The following RASSF2 variants were observed in gnomAD, a reference collection of about 807,000 sequenced individuals.
RASSF2 encodes ras association domain-containing protein 2.
A neutral mutation model predicts 46.3 loss-of-function variants in RASSF2; 34 were observed. The observed-to-expected ratio is 0.73, with a 90% confidence interval of 0.56 to 0.98. The LOEUF (loss-of-function observed/expected upper bound fraction) is 0.98, where lower values mean the gene tolerates loss of function less well. Among genes scored for constraint, RASSF2 ranks in the 50% least tolerant of loss-of-function variants. The pLI is 0.00. For synonymous variants in RASSF2, 158 were observed against 162.5 expected, an observed-to-expected ratio of 0.97 and a Z score of 0.21; for missense variants, 364 against 431.2, an observed-to-expected ratio of 0.84 and a Z score of 1.38.
chr20:4,809,935 G>A (rs975160355), intron 2 of RASSF2, among the ~76,000 whole-genome samples: 1 of 152,198 alleles, frequency 6.6e-6, no homozygotes, highest in Non-Finnish European at 1.5e-5. Flanking sequence ...GGGACAGCCC[G>A]TAGGCATTTC....
chr20:4,805,602 C>T (rs141751891), intron 2 of RASSF2, among the ~76,000 whole-genome samples: 63 of 152,070 alleles, frequency 4.1e-4, no homozygotes, highest in African/African-American at 1.4e-3. Flanking sequence ...AGGGGAATTC[C>T]GAGGGCAGGG....
intron 4 of RASSF2, among the ~76,000 whole-genome samples, chr20:4,796,335 C>T (rs1201570859): frequency 3.3e-5 from 5 of 152,262 alleles, no homozygotes; most frequent in South Asian, 2.1e-4. Context: ...GAGTTAGCTA[C>T]GTCCCATCCC....
Position 4,788,067 on chromosome 20 carries a change from T to C in RASSF2, c.691+150A>G. ...CCATATAAGGCAATCCCTAGTAGACTCATACAGCAAGCCCATCAGCCTTGA... is the reference window on the plus strand; with the variant it reads ...CCATATAAGGCAATCCCTAGTAGACCCATACAGCAAGCCCATCAGCCTTGA... On this transcript the variant is annotated intron_variant, in intron 9 of 11. Transcript: ENST00000379400. 5 of 765,998 alleles carry C rather than the reference T, an allele frequency of 6.5e-6. No homozygotes were observed. The South Asian group carries it at 8.5e-5, about 13-fold the overall frequency. The allele number at this position is 765,998 out of a possible 1,614,324, so 47.5% of individuals were successfully genotyped here.
chr20:4,820,194 C>T (rs1442331245), intron 2 of RASSF2, among the ~76,000 whole-genome samples: 2 of 152,196 alleles, frequency 1.3e-5, no homozygotes, highest in Non-Finnish European at 2.9e-5. Flanking sequence ...GAGCTCACTC[C>T]ACCTTGAGGA....
At chr20:4,792,515 GAA>G in intron 6 of RASSF2, 22 bp downstream of exon 6, 1 of 1,613,898 alleles carries the variant, frequency 6.2e-7, no homozygotes, top group Non-Finnish European at 8.5e-7. Flanking sequence ...TCCCTAGCTG[GAA>G]GTACCTTCCA....
rs149123494 is a variant in RASSF2, at chr20:4,790,689, C to G, written c.377-78G>C. On this transcript the variant is annotated intron_variant, in intron 6 of 11. Transcript: ENST00000379400. The surrounding 1 kb of genome is among the most constrained non-coding windows in gnomAD (Gnocchi z 4.3). ...CATGGTCCCCAATTTGTGGCCAGTGCGACAGCACCCACTGTCTCCACAAAT... is the reference window on the plus strand; with the variant it reads ...CATGGTCCCCAATTTGTGGCCAGTGGGACAGCACCCACTGTCTCCACAAAT... 2 of 1,159,144 alleles carry G rather than the reference C, an allele frequency of 1.7e-6. No homozygotes were observed. Among genetic ancestry groups the G allele is most frequent in the Non-Finnish European group, 2.4e-6 (2 of 842,558 alleles). 71.8% of individuals were successfully genotyped at this position (1,159,144 alleles called of 1,614,324 possible).
intron 2 of RASSF2, among the ~76,000 whole-genome samples, chr20:4,807,177 T>C (rs1317603098): frequency 6.6e-6 from 1 of 152,150 alleles, no homozygotes; most frequent in African/African-American, 2.4e-5. Flanking sequence ...CACTAGAGAA[T>C]TCGCTGGCGT....
intron 2 of RASSF2, among the ~76,000 whole-genome samples, chr20:4,820,117 A>C (rs1376212781): frequency 6.6e-6 from 1 of 152,108 alleles, no homozygotes; most frequent in Non-Finnish European, 1.5e-5. Context: ...CCCGCCTCAC[A>C]CGGCCATGTG....
chr20:4,819,980 A>G (rs1928585871), intron 2 of RASSF2, among the ~76,000 whole-genome samples: 1 of 152,176 alleles, frequency 6.6e-6, no homozygotes, highest in African/African-American at 2.4e-5. Flanking sequence ...AGCAGCATCA[A>G]CCTGTGATGA....
rs1207539533 is a variant in RASSF2, at chr20:4,781,021, C to A, written c.*3252G>T. 2 of 151,642 alleles carry A rather than the reference C, an allele frequency of 1.3e-5. No homozygotes were observed. The highest frequency in any genetic ancestry group is 4.8e-5 in the African/African-American group (2 of 41,280). The allele number at this position is 151,642 out of a possible 1,614,324, so 9.4% of individuals were successfully genotyped here. A position where few individuals can be genotyped will look rare whatever the true frequency, so the allele number is the denominator to read the frequency against. On this transcript the variant is annotated 3_prime_UTR_variant, in exon 12 of 12. Coordinates refer to ENST00000379400, the MANE Select transcript of RASSF2 (RefSeq NM_014737.3). Reference sequence around the variant, plus strand: ...CTCTCTCGGCGATGTATCTGTGACACCACATTCTCTGTGCTACAGAGCTTT... The same window carrying A: ...CTCTCTCGGCGATGTATCTGTGACAACACATTCTCTGTGCTACAGAGCTTT...
chr20:4,790,962 A>G lies in RASSF2; in HGVS notation c.377-351T>C, dbSNP rs1018423353. ...GGGTTTAAATGAGTTAGTATACATA[A>G]AGCACTTAGAATAGTGCCTGGCACA... is the stretch of plus-strand genomic sequence containing the variant. On this transcript the variant is annotated intron_variant, in intron 6 of 11. Coordinates refer to ENST00000379400, the MANE Select transcript of RASSF2 (RefSeq NM_014737.3). The surrounding 1 kb of genome is among the most constrained non-coding windows in gnomAD (Gnocchi z 4.3). Among the ~76,000 whole-genome samples the G allele has an allele frequency of 3.9e-5, 6 of 152,192 alleles. No individual in the cohort carries two copies. The highest frequency in any genetic ancestry group is 1.4e-4 in the African/African-American group (6 of 41,438).
At position 4,787,680 on chromosome 20, in the gene RASSF2, T is replaced by C; in HGVS notation, c.766A>G (p.Lys256Glu). The change falls in exon 10 of 12, where the codon AAA becomes GAA. Residue 256 changes from lysine to glutamate, a missense_variant. Physicochemically the swap from Lys to Glu is moderately conservative, Grantham distance 56 (BLOSUM62 1). Transcript: ENST00000379400. ...ILQGPCEQIS[K>E]VFLMEKDQVE... ...TGGTCCTTCTCCATTAGGAACACTT[T>C]GGAGATCTGCTCACATGGGCCCTGG... 6.2e-7 allele frequency: 1 copy of C among 1,614,148 alleles called. No individual in the cohort carries two copies. The highest frequency in any genetic ancestry group is 8.5e-7 in the Non-Finnish European group (1 of 1,180,024).
intron 7 of RASSF2, 37 bp from the exon 8 acceptor site, chr20:4,789,734 G>C (rs753413312): frequency 3.0e-5 from 47 of 1,559,202 alleles, no homozygotes; most frequent in Non-Finnish European, 3.9e-5. Context: ...GTGGGAGTGG[G>C]AACAAGGACC....
intron 2 of RASSF2, among the ~76,000 whole-genome samples, chr20:4,816,663 C>T (rs1328101859): frequency 6.6e-6 from 1 of 152,202 alleles, no homozygotes; most frequent in East Asian, 1.9e-4. Context: ...TAAATTATTA[C>T]ATATGAAAAA....
rs41279438 is a variant in RASSF2 at position 4,784,233 on chromosome 20, G to T, written c.*40C>A. On this transcript the variant is annotated 3_prime_UTR_variant, in exon 12 of 12. Transcript: ENST00000379400. Reference sequence around the variant, plus strand: ...GCTTCCTGGGGGTCTTATGGGCAATGGCGGTTCCTGGGGTGCCCAGATCCC... The same window carrying T: ...GCTTCCTGGGGGTCTTATGGGCAATTGCGGTTCCTGGGGTGCCCAGATCCC... The T allele has an allele frequency of 0.011, 16,575 of 1,572,978 alleles. 109 individuals carry two copies. Among genetic ancestry groups the T allele is most frequent in the Non-Finnish European group, 0.013 (15,034 of 1,142,674 alleles).
chr20:4,793,739 C>T (rs967675516), intron 5 of RASSF2, among the ~76,000 whole-genome samples: 3 of 152,092 alleles, frequency 2.0e-5, no homozygotes, highest in Non-Finnish European at 4.4e-5. Flanking sequence ...CTCAGCCTCC[C>T]GAAGTGCTGG....
chr20:4,813,485 T>C (rs1020425027), intron 2 of RASSF2, among the ~76,000 whole-genome samples: 11 of 151,892 alleles, frequency 7.2e-5, no homozygotes, highest in African/African-American at 2.7e-4. Context: ...AGTGGGAGGG[T>C]GGCCAGGTGA....
intron 1 of RASSF2, among the ~76,000 whole-genome samples, chr20:4,822,803 ACT>A (rs1429639421): frequency 6.6e-6 from 1 of 151,816 alleles, no homozygotes; most frequent in East Asian, 2.0e-4. Flanking sequence ...CGCGCCGGGG[ACT>A]GGGACCTGCC....
chr20:4,787,856 A>C, intron 9 of RASSF2, 102 bp from the exon 10 acceptor site: 1 of 1,400,728 alleles, frequency 7.1e-7, no homozygotes, highest in Non-Finnish European at 1.0e-6. Context: ...GCCGCCATAT[A>C]CGTCAGGAGA....
Sources: gnomAD v4.1 joint callset for allele counts (sites outside exome capture counted in the v4.1 genomes callset) on GRCh38, gnomAD v4.1.1 for gene constraint, Gnocchi (gnomAD v3.1) non-coding constraint, MANE v1.5 for transcripts, NCBI Gene and HGNC (gene_info 2026-07-23, HGNC 2026-07-21) for gene names.